The following LRRC40 variants were observed in gnomAD, a reference collection of about 807,000 sequenced individuals.
LRRC40 encodes the protein leucine-rich repeat-containing protein 40.
LRRC40 carries 76 observed loss-of-function variants against 72.8 expected under a neutral mutation model. The ratio of observed to expected loss-of-function variants is 1.04; its 90% CI spans 0.87 to 1.26. The LOEUF is 1.26. Among genes scored for constraint, LRRC40 ranks in the 50% most tolerant of loss-of-function variants. The pLI is 0.00. For missense variants in LRRC40, 684 were observed against 698.9 expected (o/e 0.98, Z 0.24); for synonymous variants, 243 against 254.2 (o/e 0.96, Z 0.42).
chr1:70,152,418 A>G lies in LRRC40; in HGVS notation c.1439+15T>C, dbSNP rs755385896. On this transcript the variant is annotated intron_variant, in intron 12 of 14. Coordinates refer to ENST00000370952, the MANE Select transcript of LRRC40 (RefSeq NM_017768.5). ...ATAACTTTTTAAAAAGTCAAGCAATAGTATCAATAAATACCTGAGATCTAA... is the reference window on the plus strand; with the variant it reads ...ATAACTTTTTAAAAAGTCAAGCAATGGTATCAATAAATACCTGAGATCTAA... 5 of 1,228,312 alleles carry G rather than the reference A, an allele frequency of 4.1e-6. No homozygotes were observed. The Admixed American group carries it at 9.0e-5, about 22-fold the overall frequency. 76.1% of individuals were successfully genotyped at this position (1,228,312 alleles called of 1,614,324 possible). A position where few individuals can be genotyped will look rare whatever the true frequency, so the allele number is the denominator to read the frequency against.
chr1:70,165,873 T>A (rs1667869678), intron 9 of LRRC40, among the ~76,000 whole-genome samples: 1 of 152,184 alleles, frequency 6.6e-6, no homozygotes, highest in South Asian at 2.1e-4. Context: ...GATTCTTATG[T>A]GCCTCTAGAT....
intron 11 of LRRC40, among the ~76,000 whole-genome samples, chr1:70,154,464 T>C (rs549843): frequency 0.21 from 31,545 of 152,066 alleles, 3,709 homozygotes; most frequent in East Asian, 0.41. Context: ...CAAAGCAAAC[T>C]TGTCCTATCT....
At chr1:70,162,721 A>C (rs1478626227) in intron 9 of LRRC40, among the ~76,000 whole-genome samples, 1 of 152,246 alleles carries the variant, frequency 6.6e-6, no homozygotes, top group Non-Finnish European at 1.5e-5. Flanking sequence ...TGCTGGGGAC[A>C]TAAAAATGAG....
In LRRC40 at chr1:70,159,447, A is replaced by T. The variant is rs780633218; in HGVS notation, c.1112-9T>A. ...TTGGCTAGGTCCATCATCTGGCAAA[A>T]GAAAACTTATATGAAGCCAATATTT... On this transcript the variant is annotated splice_polypyrimidine_tract_variant and intron_variant, in intron 9 of 14. Transcript: ENST00000370952. 2.2e-6 allele frequency: 3 copies of T among 1,370,842 alleles called. No homozygotes were observed. In the East Asian group the frequency reaches 7.0e-5, roughly 32 times the overall value. 84.9% of individuals were successfully genotyped at this position (1,370,842 alleles called of 1,614,324 possible). A position where few individuals can be genotyped will look rare whatever the true frequency, so the allele number is the denominator to read the frequency against.
At chr1:70,200,208 C>A (rs1228991356) in intron 1 of LRRC40, among the ~76,000 whole-genome samples, 1 of 152,122 alleles carries the variant, frequency 6.6e-6, no homozygotes, top group Non-Finnish European at 1.5e-5. Context: ...GGCTCACACC[C>A]ATAATCCCAG....
intron 1 of LRRC40, among the ~76,000 whole-genome samples, chr1:70,200,000 G>A (rs1391074474): frequency 2.6e-5 from 4 of 152,096 alleles, no homozygotes; most frequent in African/African-American, 9.7e-5. Context: ...TAATAGTCTA[G>A]TTAACAATCC....
At chr1:70,190,898 T>C (rs1399699767) in intron 1 of LRRC40, among the ~76,000 whole-genome samples, 1 of 151,784 alleles carries the variant, frequency 6.6e-6, no homozygotes, top group Non-Finnish European at 1.5e-5. Context: ...ACTTTTAAAG[T>C]GAAGCAAAAT....
intron 4 of LRRC40, among the ~76,000 whole-genome samples, chr1:70,183,387 A>T (rs1668288704): frequency 6.6e-6 from 1 of 151,926 alleles, no homozygotes; most frequent in African/African-American, 2.4e-5. Context: ...GTGGAATCTT[A>T]TTCCTTTGGT....
chr1:70,147,084 G>A (rs1443285830), intron 14 of LRRC40: 1 of 152,066 alleles, frequency 6.6e-6, no homozygotes, highest in Non-Finnish European at 1.5e-5. Context: ...TTGCAAACTT[G>A]CCTACTCACT....
chr1:70,169,003 C>G (rs185964081), intron 9 of LRRC40, among the ~76,000 whole-genome samples: 123 of 152,116 alleles, frequency 8.1e-4, no homozygotes, highest in Middle Eastern at 6.8e-3. Flanking sequence ...CCCTAAGATA[C>G]TAGAAAAAAA....
chr1:70,154,787 A>G (rs2100237913), intron 11 of LRRC40, among the ~76,000 whole-genome samples: 1 of 152,226 alleles, frequency 6.6e-6, no homozygotes, highest in Non-Finnish European at 1.5e-5. Flanking sequence ...TACGTGCATA[A>G]AAGCATTAGG....
At chr1:70,180,837 T>C (rs1668228046) in intron 5 of LRRC40, among the ~76,000 whole-genome samples, 1 of 152,192 alleles carries the variant, frequency 6.6e-6, no homozygotes, top group Admixed American at 6.5e-5. Context: ...CTTAGGTATA[T>C]AATCCTACTA....
At chr1:70,177,087 C>T (rs1450200586) in intron 6 of LRRC40, among the ~76,000 whole-genome samples, 1 of 152,094 alleles carries the variant, frequency 6.6e-6, no homozygotes, top group African/African-American at 2.4e-5. Flanking sequence ...ACCAGCCTGG[C>T]CAACATGGCG....
At chr1:70,175,252 AAGTCTAG>A (rs771336110) in intron 7 of LRRC40, among the ~76,000 whole-genome samples, 14 of 152,186 alleles carry the variant, frequency 9.2e-5, no homozygotes, top group Non-Finnish European at 1.8e-4. Context: ...TCAGGCTAAA[AAGTCTAG>A]AGTTTATCTT....
chr1:70,175,030 T>C (rs1668073162), intron 7 of LRRC40, among the ~76,000 whole-genome samples: 1 of 151,996 alleles, frequency 6.6e-6, no homozygotes, highest in African/African-American at 2.4e-5. Context: ...GGTGGGGCTT[T>C]ACAGGGGAGA....
chr1:70,162,224 T>C (rs904976669), intron 9 of LRRC40, among the ~76,000 whole-genome samples: 2 of 152,030 alleles, frequency 1.3e-5, no homozygotes, highest in Non-Finnish European at 2.9e-5. Context: ...GGAAAACTAC[T>C]AAATGTGTTA....
intron 6 of LRRC40, among the ~76,000 whole-genome samples, chr1:70,177,871 C>T (rs1024699681): frequency 6.6e-6 from 1 of 152,174 alleles, no homozygotes; most frequent in Non-Finnish European, 1.5e-5. Context: ...AGACCAACCC[C>T]TTCTCTTCCT....
At chr1:70,146,000 AT>A (rs1204733987) in intron 14 of LRRC40, 95 bp from the exon 15 acceptor site, 27 of 608,146 alleles carry the variant, frequency 4.4e-5, no homozygotes, top group Non-Finnish European at 6.1e-5. Context: ...AAATTTCTGT[AT>A]TTTTTTTCTA....
At chr1:70,189,050 T>C (rs1668430603) in intron 2 of LRRC40, 42 bp downstream of exon 2, 5 of 1,537,636 alleles carry the variant, frequency 3.3e-6, no homozygotes, top group Non-Finnish European at 4.4e-6. Flanking sequence ...AGCTTTAGAG[T>C]CTCTTCAATT....
Sources: gnomAD v4.1 joint callset for allele counts (sites outside exome capture counted in the v4.1 genomes callset) on GRCh38, gnomAD v4.1.1 for gene constraint, MANE v1.5 for transcripts, NCBI Gene and HGNC (gene_info 2026-07-23, HGNC 2026-07-21) for gene names.